Variants in RNF213 observed in about 807,000 individuals in gnomAD.
The protein encoded by RNF213 is E3 ubiquitin-protein ligase RNF213.
In RNF213, 341 loss-of-function variants were observed where a neutral mutation model predicts 514.4. The observed-to-expected ratio is 0.66, with a 90% CI of 0.61 to 0.73. RNF213 has a LOEUF of 0.73. Among genes scored for constraint, RNF213 ranks in the 30% least tolerant of loss-of-function variants. The pLI is 0.00. For missense variants in RNF213, 5,767 were observed against 6,615.6 expected (o/e 0.87, Z 4.45); for synonymous variants, 2,655 against 2,658.2 (o/e 1.00, Z 0.04).
At chr17:80,372,870 T>C in intron 48 of RNF213, 105 bp from the exon 49 acceptor site, 2 of 1,382,768 alleles carry the variant, frequency 1.4e-6, no homozygotes, top group Non-Finnish European at 2.0e-6. Context: ...GATGTGTTTC[T>C]GTGAATGCCT....
In RNF213 at chr17:80,374,703, C is replaced by T. The variant is rs143047595; in HGVS notation, c.13074+114C>T. ...GATGGACCACTGATGCAGCCCATCACGTGACACTGTATTGGAAGTCACGTG... is the reference window on the plus strand; with the variant it reads ...GATGGACCACTGATGCAGCCCATCATGTGACACTGTATTGGAAGTCACGTG... On this transcript the variant is annotated intron_variant, in intron 50 of 67. Coordinates refer to ENST00000582970, the MANE Select transcript of RNF213 (RefSeq NM_001256071.3). 252 of 1,269,850 alleles carry T rather than the reference C, an allele frequency of 2.0e-4. 1 individual carries two copies. In the African/African-American group the frequency reaches 2.9e-3, roughly 14 times the overall value. The allele number at this position is 1,269,850 out of a possible 1,614,324, so 78.7% of individuals were successfully genotyped here.
intron 6 of RNF213, 150 bp from the exon 7 acceptor site, chr17:80,290,420 T>TGA: frequency 1.1e-6 from 1 of 897,860 alleles, no homozygotes; most frequent in Non-Finnish European, 1.8e-6. Context: ...TGTGCGTGTG[T>TGA]GCGAGTGTGC....
chr17:80,389,372 G>C lies in RNF213; in HGVS notation c.15195+5G>C. On this transcript the variant is annotated splice_donor_5th_base_variant and intron_variant, in intron 65 of 67. Coordinates refer to ENST00000582970, the MANE Select transcript of RNF213 (RefSeq NM_001256071.3). Reference sequence around the variant, plus strand: ...CAGACGATTCACGTGTTAAAGGTGGGTCTCACACCGAAAAGGAAATCAGCA... The same window carrying C: ...CAGACGATTCACGTGTTAAAGGTGGCTCTCACACCGAAAAGGAAATCAGCA... 2.5e-6 allele frequency: 4 copies of C among 1,613,544 alleles called. No individual in the cohort carries two copies. Among genetic ancestry groups the C allele is most frequent in the Non-Finnish European group, 2.5e-6 (3 of 1,179,590 alleles).
intron 3 of RNF213, among the ~76,000 whole-genome samples, chr17:80,279,410 A>T (rs546478345): frequency 6.6e-6 from 1 of 151,954 alleles, no homozygotes; most frequent in South Asian, 2.1e-4. Flanking sequence ...TGCTCAGTTT[A>T]GTCTCTGGTT....
rs752021088 is a variant in RNF213 at position 80,363,669 on chromosome 17, C to G, written c.11629C>G (p.Pro3877Ala). 1.2e-6 allele frequency: 2 copies of G among 1,614,128 alleles called. No homozygotes were observed. Among genetic ancestry groups the G allele is most frequent in the East Asian group, 4.5e-5 (2 of 44,874 alleles). The change falls in exon 41 of 68, where the codon CCC becomes GCC. Residue 3877 changes from proline to alanine, a missense_variant. Coordinates refer to ENST00000582970, the MANE Select transcript of RNF213 (RefSeq NM_001256071.3). ...TEMLTRNTLK[P>A]SPQAWLQLVK... ...GATGCTGACAAGAAACACCCTGAAG[C>G]CCAGTCCCCAGGCGTGGCTACAGTT... is the stretch of plus-strand genomic sequence containing the variant.
chr17:80,390,151 A>G lies in RNF213; in HGVS notation c.15425A>G (p.Lys5142Arg), dbSNP rs1568175586. The G allele has an allele frequency of 6.2e-7, 1 of 1,614,216 alleles. No homozygotes were observed. The highest frequency in any genetic ancestry group is 8.5e-7 in the Non-Finnish European group (1 of 1,180,040). Reference protein sequence around the residue: ...ELHEMIILKLKNPQTQTEERF... With the variant: ...ELHEMIILKLRNPQTQTEERF... ...CACGAAATGATAATCTTGAAACTAA[A>G]GAACCCCCAAACCCAAACCGAGGAG... The change falls in exon 67 of 68, where the codon AAG becomes AGG. Residue 5142 changes from lysine (K) to arginine (R), a missense_variant. Physicochemically the swap from Lys to Arg is conservative, Grantham distance 26 (BLOSUM62 2). Coordinates refer to ENST00000582970, the MANE Select transcript of RNF213 (RefSeq NM_001256071.3).
chr17:80,375,664 C>T (rs1311878913), intron 50 of RNF213, 96 bp from the exon 51 acceptor site: 2 of 841,644 alleles, frequency 2.4e-6, no homozygotes, highest in East Asian at 5.0e-5. Context: ...GATCATGCCA[C>T]TGCACTCCAG....
At chr17:80,287,783 G>C (rs769880979) in intron 3 of RNF213, 32 bp from the exon 4 acceptor site, 152 of 1,607,688 alleles carry the variant, frequency 9.5e-5, no homozygotes, top group Non-Finnish European at 1.3e-4. Flanking sequence ...GTAAATCTAA[G>C]AAATAAAGTG....
At chr17:80,306,800 C>T (rs1204010541) in intron 12 of RNF213, among the ~76,000 whole-genome samples, 1 of 150,060 alleles carries the variant, frequency 6.7e-6, no homozygotes, top group Non-Finnish European at 1.5e-5. Flanking sequence ...TGCAGTGAGC[C>T]GAGATCACGC....
In RNF213 at chr17:80,332,284, A is replaced by AGG. The variant is rs1568082378; in HGVS notation, c.3797_3798dup (p.His1267GlyfsTer28). 1 of 1,537,262 alleles carries AGG rather than the reference A, an allele frequency of 6.5e-7. No homozygotes were observed. Among genetic ancestry groups the AGG allele is most frequent in the Admixed American group, 2.0e-5 (1 of 51,008 alleles). Reference sequence around the variant, plus strand: ...GAGTGAGCCCGAAGAAGAATCAGAAAGGCACATCCTTGAGCTTGAAGAGGT... The same window carrying AGG: ...GAGTGAGCCCGAAGAAGAATCAGAAAGGGGCACATCCTTGAGCTTGAAGAGGT... On this transcript the variant is annotated frameshift_variant, in exon 21 of 68. Transcript: ENST00000582970. LOFTEE classifies it high-confidence loss of function.
chr17:80,382,963 T>TG lies in RNF213; in HGVS notation c.13979-14dup. 1 of 1,567,578 alleles carries TG rather than the reference T, an allele frequency of 6.4e-7. No individual in the cohort carries two copies. Among genetic ancestry groups the TG allele is most frequent in the Non-Finnish European group, 8.8e-7 (1 of 1,137,706 alleles). ...TTGTGCCTTGGGTAACCTACACATTTGGAGTTTTTTTGTAGGGCTTTTAAA... is the reference window on the plus strand; with the variant it reads ...TTGTGCCTTGGGTAACCTACACATTTGGGAGTTTTTTTGTAGGGCTTTTAAA... On this transcript the variant is annotated splice_polypyrimidine_tract_variant and intron_variant, in intron 57 of 67. Transcript: ENST00000582970.
rs373409901 is a variant in RNF213 at position 80,371,868 on chromosome 17, C to G, written c.12426-6C>G. ...AGAACCAGGAATAATATTTCTCTTTCTGCAGCTTTCATGATGTAAAAGATT... is the reference window on the plus strand; with the variant it reads ...AGAACCAGGAATAATATTTCTCTTTGTGCAGCTTTCATGATGTAAAAGATT... On this transcript the variant is annotated splice_polypyrimidine_tract_variant and splice_region_variant and intron_variant, in intron 46 of 67. Transcript: ENST00000582970. 5.9e-6 allele frequency: 8 copies of G among 1,351,278 alleles called. No homozygotes were observed. Among genetic ancestry groups the G allele is most frequent in the Non-Finnish European group, 8.5e-6 (8 of 941,232 alleles). 83.7% of individuals were successfully genotyped at this position (1,351,278 alleles called of 1,614,324 possible). A position where few individuals can be genotyped will look rare whatever the true frequency, so the allele number is the denominator to read the frequency against.
Position 80,337,834 on chromosome 17 carries a change from T to C in RNF213, c.4670T>C (p.Ile1557Thr). ...VIQAPKGGQK[I>T]SPDTVLHLIL... Reference sequence around the variant, plus strand: ...ACTTCTAACCTATGCTCTTCACAGATTTCCCCAGACACGGTTCTGCACTTG... The same window carrying C: ...ACTTCTAACCTATGCTCTTCACAGACTTCCCCAGACACGGTTCTGCACTTG... Residue 1557 changes from isoleucine (I) to threonine (T), a missense_variant and splice_region_variant, in exon 25 of 68, where the codon ATT becomes ACT. Ile to Thr is a moderately conservative substitution (Grantham distance 89, BLOSUM62 -1). This residue lies in a region of RNF213 where 1,377 missense variants were observed against 1,635.2 expected (regional missense o/e 0.84). Transcript: ENST00000582970. 2 of 1,536,940 alleles carry C rather than the reference T, an allele frequency of 1.3e-6. No homozygotes were observed. The highest frequency in any genetic ancestry group is 2.4e-5 in the South Asian group (2 of 84,058).
chr17:80,377,866 G>C lies in RNF213; in HGVS notation c.13545+70G>C. 6.4e-7 allele frequency: 1 copy of C among 1,561,738 alleles called. No homozygotes were observed. The highest frequency in any genetic ancestry group is 8.8e-7 in the Non-Finnish European group (1 of 1,132,714). ...TCCTGGGTTGGAGGAGGGGGATCGT[G>C]GGTCAGGAGAGTGAGGCTCTCGGCC... On this transcript the variant is annotated intron_variant, in intron 54 of 67. Coordinates refer to ENST00000582970, the MANE Select transcript of RNF213 (RefSeq NM_001256071.3). This position sits in a 1 kb window ranked among gnomAD's most constrained non-coding sequence, Gnocchi z 4.1.
intron 41 of RNF213, 95 bp downstream of exon 41, chr17:80,363,885 T>TGCTCCTGCCATGGGAGGG (rs1405421850): frequency 8.2e-7 from 1 of 1,222,536 alleles, no homozygotes; most frequent in Non-Finnish European, 1.2e-6. Flanking sequence ...GACGGGCAGG[T>TGCTCCTGCCATGGGAGGG]GCTCCTGCCA....
chr17:80,357,152 G>A (rs1271055031), intron 36 of RNF213, among the ~76,000 whole-genome samples: 14 of 152,046 alleles, frequency 9.2e-5, no homozygotes, highest in Admixed American at 9.2e-4. Flanking sequence ...CCTGACCTCA[G>A]GTGATCCGCC....
At chr17:80,303,684 C>T (rs1261970740) in intron 11 of RNF213, among the ~76,000 whole-genome samples, 2 of 151,650 alleles carry the variant, frequency 1.3e-5, no homozygotes, top group South Asian at 2.1e-4. Flanking sequence ...GTGCCTCAGC[C>T]TCCCAAGTAG....
intron 13 of RNF213, 109 bp downstream of exon 13, chr17:80,307,310 A>C: frequency 1.2e-6 from 1 of 836,848 alleles, no homozygotes; most frequent in South Asian, 1.4e-5. Flanking sequence ...CAGCAAGGTC[A>C]TAAATTAATA....
At chr17:80,268,625 ATCCATCCATCCG>A (rs1203304466) in intron 2 of RNF213, among the ~76,000 whole-genome samples, 3,220 of 131,686 alleles carry the variant, frequency 0.024, 118 homozygotes, top group African/African-American at 0.09. Context: ...CCATCCATCC[ATCCATCCATCCG>A]TTTATCTGTC....
Sources: gnomAD v4.1 joint callset for allele counts (sites outside exome capture counted in the v4.1 genomes callset) on GRCh38, gnomAD v4.1.1 for gene constraint, gnomAD v4.1.1 regional missense constraint, Gnocchi (gnomAD v3.1) non-coding constraint, MANE v1.5 for transcripts, NCBI Gene and HGNC (gene_info 2026-07-23, HGNC 2026-07-21) for gene names.